Variants in PTK2B observed in about 807,000 individuals in gnomAD.
PTK2B encodes protein tyrosine kinase 2 beta.
A neutral mutation model predicts 142.9 loss-of-function variants in PTK2B; 71 were observed. That is an observed-to-expected ratio of 0.50 (90% CI 0.41 to 0.61). The LOEUF is 0.61. Ranked by LOEUF, PTK2B falls within the 20% of genes least tolerant of loss-of-function variation. PTK2B has a pLI of 0.00. For synonymous variants in PTK2B, 519 were observed against 503.4 expected (o/e 1.03, Z -0.42); for missense variants, 1,105 against 1,320.4 (o/e 0.84, Z 2.53).
chr8:27,364,605 A>G (rs1805909601), intron 1 of PTK2B, among the ~76,000 whole-genome samples: 1 of 152,210 alleles, frequency 6.6e-6, no homozygotes, highest in South Asian at 2.1e-4. Context: ...GAATTTTGCC[A>G]TGAATTCTTG....
At chr8:27,400,768 A>G (rs567436058) in intron 2 of PTK2B, among the ~76,000 whole-genome samples, 1 of 152,342 alleles carries the variant, frequency 6.6e-6, no homozygotes, top group East Asian at 1.9e-4. Context: ...TTGTGTTTAA[A>G]GTGTTTATGA....
At chr8:27,342,779 A>G (rs1171494141) in intron 1 of PTK2B, among the ~76,000 whole-genome samples, 2 of 151,936 alleles carry the variant, frequency 1.3e-5, no homozygotes, top group Non-Finnish European at 2.9e-5. Flanking sequence ...TGCCTTCCCC[A>G]CTTACACTAT....
chr8:27,454,162 G>C lies in PTK2B; in HGVS notation c.2604G>C (p.Gln868His). The change falls in exon 29 of 31, where the codon CAG (glutamine) becomes CAC (histidine). Residue 868 changes from glutamine to histidine, a missense_variant. Gln to His is a conservative substitution (Grantham distance 24). Transcript: ENST00000346049. ...KPPRLGAQSIQPTANLDRTDD... is the reference protein window; with the variant it reads ...KPPRLGAQSIHPTANLDRTDD... ...CTGCGTCTTCCCCTCAGTCCATCCA[G>C]CCCACAGCTAACCTGGACCGGACTG... 1 of 1,614,064 alleles carries C rather than the reference G, an allele frequency of 6.2e-7. No individual in the cohort carries two copies.
At chr8:27,338,352 A>G (rs2129915212) in intron 1 of PTK2B, among the ~76,000 whole-genome samples, 1 of 152,262 alleles carries the variant, frequency 6.6e-6, no homozygotes, top group East Asian at 1.9e-4. Flanking sequence ...TGAAGATGCA[A>G]AGGCATAAGA....
chr8:27,311,643 C>T, exon 1 of PTK2B: 1 of 206,106 alleles, frequency 4.9e-6, no homozygotes, highest in Non-Finnish European at 9.6e-6. Context: ...ACCTCAGGCC[C>T]GCGGATGGGA....
intron 1 of PTK2B, among the ~76,000 whole-genome samples, chr8:27,366,394 C>A (rs1308962185): frequency 1.3e-5 from 2 of 152,202 alleles, no homozygotes; most frequent in African/African-American, 4.8e-5. Flanking sequence ...AAAGCAATCA[C>A]CCAGGCGACA....
intron 24 of PTK2B, 123 bp downstream of exon 24, chr8:27,446,042 G>C: frequency 7.1e-7 from 1 of 1,407,684 alleles, no homozygotes; most frequent in Non-Finnish European, 9.6e-7. Context: ...CCATGCACCA[G>C]TCAGGCCACT....
chr8:27,431,707 G>A (rs1810435801), intron 9 of PTK2B, among the ~76,000 whole-genome samples: 1 of 152,230 alleles, frequency 6.6e-6, no homozygotes, highest in South Asian at 2.1e-4. Context: ...GGTGGGAGGG[G>A]GAGACAAGGC....
At chr8:27,429,883 A>C (rs1365403070) in intron 5 of PTK2B, among the ~76,000 whole-genome samples, 1 of 152,132 alleles carries the variant, frequency 6.6e-6, no homozygotes, top group Non-Finnish European at 1.5e-5. Context: ...CTAGGATGCA[A>C]GGCTGGAGTC....
chr8:27,325,755 T>A (rs575026972), intron 1 of PTK2B, 74 bp downstream of exon 1: 1 of 151,992 alleles, frequency 6.6e-6, no homozygotes, highest in African/African-American at 2.4e-5. Flanking sequence ...GTGGCAGGGG[T>A]TGGGGACAAT....
intron 1 of PTK2B, among the ~76,000 whole-genome samples, chr8:27,394,515 C>T (rs994209419): frequency 2.6e-5 from 4 of 152,152 alleles, no homozygotes; most frequent in South Asian, 2.1e-4. Context: ...CTTGCAGAAC[C>T]GAAAGTTGCT....
intron 10 of PTK2B, 116 bp downstream of exon 10, chr8:27,432,477 C>A: frequency 1.1e-6 from 1 of 887,762 alleles, no homozygotes; most frequent in South Asian, 1.7e-5. Context: ...AGCTTCCTGG[C>A]TTTGGGGATC....
chr8:27,333,834 G>A (rs1033421750), intron 1 of PTK2B, among the ~76,000 whole-genome samples: 2 of 152,124 alleles, frequency 1.3e-5, no homozygotes, highest in African/African-American at 4.8e-5. Context: ...CCATCCAGAT[G>A]TGATGATTCC....
chr8:27,405,504 C>T (rs1808656477), intron 2 of PTK2B, among the ~76,000 whole-genome samples: 1 of 152,102 alleles, frequency 6.6e-6, no homozygotes, highest in Non-Finnish European at 1.5e-5. Flanking sequence ...GAAAATAGTC[C>T]CTGAAAAAGA....
intron 2 of PTK2B, among the ~76,000 whole-genome samples, chr8:27,405,062 C>CTCTCTCTCTCTCTA (rs1431788479): frequency 1.5e-5 from 2 of 132,490 alleles, no homozygotes; most frequent in South Asian, 4.8e-4. Flanking sequence ...CTCTCTCTCT[C>CTCTCTCTCTCTCTA]TCTCTCTTAG....
At chr8:27,433,340 T>G in intron 10 of PTK2B, 95 bp from the exon 11 acceptor site, 1 of 1,064,068 alleles carries the variant, frequency 9.4e-7, no homozygotes, top group Non-Finnish European at 1.4e-6. Context: ...CAGGCAAGGG[T>G]TGTGGCAGGG....
intron 18 of PTK2B, 61 bp downstream of exon 18, chr8:27,437,941 C>T: frequency 7.1e-7 from 1 of 1,411,438 alleles, no homozygotes; most frequent in Admixed American, 1.9e-5. Context: ...TCCTCAAGGC[C>T]TCTGGGTAGA....
intron 1 of PTK2B, among the ~76,000 whole-genome samples, chr8:27,384,404 T>C (rs763187924): frequency 5.9e-5 from 9 of 152,246 alleles, no homozygotes; most frequent in African/African-American, 1.7e-4. Context: ...GTTTATCAAC[T>C]CTAAACAATT....
intron 1 of PTK2B, among the ~76,000 whole-genome samples, chr8:27,397,064 C>T (rs1270968418): frequency 1.3e-5 from 2 of 152,244 alleles, no homozygotes; most frequent in Non-Finnish European, 2.9e-5. Context: ...CTGCCTTCTC[C>T]ATTCCCATTC....
Sources: gnomAD v4.1 joint callset for allele counts (sites outside exome capture counted in the v4.1 genomes callset) on GRCh38, gnomAD v4.1.1 for gene constraint, MANE v1.5 for transcripts, NCBI Gene and HGNC (gene_info 2026-07-23, HGNC 2026-07-21) for gene names.